GRM5: variants seen among roughly 807,000 people sequenced by gnomAD.
GRM5 encodes the protein metabotropic glutamate receptor 5.
GRM5 carries 19 observed loss-of-function variants against 83.1 expected under a neutral mutation model. That is an observed-to-expected ratio of 0.23 (90% confidence interval 0.16 to 0.34). The LOEUF (loss-of-function observed/expected upper bound fraction) is 0.34, where lower values mean the gene tolerates loss of function less well. GRM5 is among the 10% of genes least tolerant of loss of function. The pLI is 1.00. For missense variants in GRM5, 1,160 were observed against 1,588.3 expected, an observed-to-expected ratio of 0.73 and a Z score of 4.58; for synonymous variants, 675 against 633.6, an observed-to-expected ratio of 1.07 and a Z score of -0.98.
intron 2 of GRM5, among the ~76,000 whole-genome samples, chr11:88,960,964 C>G (rs898844200): frequency 1.3e-5 from 2 of 152,066 alleles, no homozygotes; most frequent in Non-Finnish European, 2.9e-5. Flanking sequence ...AAAACAAGTT[C>G]AGAAAGAAGC....
chr11:88,767,404 G>C (rs918552487), intron 3 of GRM5, among the ~76,000 whole-genome samples: 1 of 151,972 alleles, frequency 6.6e-6, no homozygotes, highest in Admixed American at 6.6e-5. Flanking sequence ...ATTCACAATA[G>C]CAAAGACGTG....
chr11:88,631,301 GT>G (rs1565162261), intron 4 of GRM5, among the ~76,000 whole-genome samples: 1 of 152,014 alleles, frequency 6.6e-6, no homozygotes, highest in East Asian at 1.9e-4. Flanking sequence ...GGAAACATCT[GT>G]TTTTTGTTTT....
chr11:88,769,385 TG>T (rs1158366883), intron 3 of GRM5, among the ~76,000 whole-genome samples: 1 of 78,460 alleles, frequency 1.3e-5, no homozygotes, highest in Non-Finnish European at 3.2e-5. Flanking sequence ...TTTTGCCAAC[TG>T]TTAAGTGTCT....
chr11:88,933,187 ATTTTTTTT>A (rs57318577), intron 2 of GRM5, among the ~76,000 whole-genome samples: 1 of 106,318 alleles, frequency 9.4e-6, no homozygotes, highest in Non-Finnish European at 1.8e-5. Flanking sequence ...TATTTGGGGC[ATTTTTTTT>A]TTTTTTTTTT....
chr11:88,961,599 A>G (rs1176661499), intron 2 of GRM5, among the ~76,000 whole-genome samples: 1 of 152,192 alleles, frequency 6.6e-6, no homozygotes, highest in Non-Finnish European at 1.5e-5. Flanking sequence ...AAGTATGGGC[A>G]AGATATTATC....
intron 2 of GRM5, among the ~76,000 whole-genome samples, chr11:89,038,986 T>C (rs1941460838): frequency 6.6e-6 from 1 of 152,052 alleles, no homozygotes; most frequent in Non-Finnish European, 1.5e-5. Flanking sequence ...GTATATATGG[T>C]CAGGCGCGGT....
chr11:88,595,652 T>TA (rs1224455684), intron 6 of GRM5, among the ~76,000 whole-genome samples: 1 of 152,212 alleles, frequency 6.6e-6, no homozygotes, highest in Non-Finnish European at 1.5e-5. Context: ...TTCATCTTGA[T>TA]ACTCAATTGC....
chr11:88,825,310 A>G, intron 3 of GRM5, among the ~76,000 whole-genome samples: 1 of 151,760 alleles, frequency 6.6e-6, no homozygotes, highest in Non-Finnish European at 1.5e-5. Context: ...TGTTTTTGTG[A>G]ACACCCCTCA....
intron 3 of GRM5, among the ~76,000 whole-genome samples, chr11:88,711,012 T>G (rs1941268895): frequency 1.3e-5 from 2 of 151,858 alleles, no homozygotes; most frequent in African/African-American, 4.8e-5. Flanking sequence ...TTAGGGAAAT[T>G]TGAGGAAGAT....
At chr11:88,752,716 A>G (rs1338703651) in intron 3 of GRM5, among the ~76,000 whole-genome samples, 2 of 152,098 alleles carry the variant, frequency 1.3e-5, no homozygotes, top group African/African-American at 4.8e-5. Context: ...GTAATACAAG[A>G]GTACAGTAAC....
intron 3 of GRM5, among the ~76,000 whole-genome samples, chr11:88,755,707 G>A (rs763730122): frequency 2.6e-5 from 4 of 152,028 alleles, no homozygotes; most frequent in Non-Finnish European, 5.9e-5. Flanking sequence ...TCTTTAAGTA[G>A]TTCTGATATT....
chr11:88,842,396 T>A (rs568066426), intron 3 of GRM5, among the ~76,000 whole-genome samples: 1 of 152,210 alleles, frequency 6.6e-6, no homozygotes, highest in Non-Finnish European at 1.5e-5. Flanking sequence ...CTTCCCAAAA[T>A]ACTGGCTTAT....
At chr11:88,666,455 A>G (rs1257631055) in intron 3 of GRM5, among the ~76,000 whole-genome samples, 1 of 152,148 alleles carries the variant, frequency 6.6e-6, no homozygotes, top group Admixed American at 6.6e-5. Context: ...ATGAGAATCA[A>G]TCGAGTCTCT....
At chr11:88,972,249 C>T (rs545758464) in intron 2 of GRM5, among the ~76,000 whole-genome samples, 1 of 152,080 alleles carries the variant, frequency 6.6e-6, no homozygotes, top group African/African-American at 2.4e-5. Context: ...ACATTCCAAC[C>T]CTGACATAAA....
chr11:89,045,937 C>T (rs1941633019), intron 2 of GRM5, among the ~76,000 whole-genome samples: 2 of 152,172 alleles, frequency 1.3e-5, no homozygotes, highest in Admixed American at 6.5e-5. Flanking sequence ...CCATTTCCTT[C>T]TGTAAGATTC....
At chr11:88,551,407 C>T (rs1942503681) in intron 8 of GRM5, among the ~76,000 whole-genome samples, 1 of 152,152 alleles carries the variant, frequency 6.6e-6, no homozygotes, top group Non-Finnish European at 1.5e-5. Context: ...CAGCAGACCT[C>T]AACCTCTTCA....
chr11:89,000,798 A>C (rs1940352038), intron 2 of GRM5, among the ~76,000 whole-genome samples: 1 of 152,156 alleles, frequency 6.6e-6, no homozygotes. Flanking sequence ...AGATATTTGC[A>C]AACCACGTAT....
At chr11:88,736,872 A>G (rs1196495285) in intron 3 of GRM5, among the ~76,000 whole-genome samples, 1 of 125,176 alleles carries the variant, frequency 8.0e-6, no homozygotes, top group Non-Finnish European at 1.7e-5. Flanking sequence ...TGACAAGAAA[A>G]GTGTTGGAAA....
At chr11:88,839,780 A>G (rs572681538) in intron 3 of GRM5, among the ~76,000 whole-genome samples, 16 of 152,338 alleles carry the variant, frequency 1.1e-4, no homozygotes, top group Middle Eastern at 3.4e-3. Flanking sequence ...AATCTTAACT[A>G]CTAATGGCCT....
Sources: allele counts gnomAD v4.1 joint callset (sites outside exome capture counted in the v4.1 genomes callset), GRCh38; gene constraint gnomAD v4.1.1; transcripts MANE v1.5; gene names NCBI Gene and HGNC (gene_info 2026-07-23, HGNC 2026-07-21).